The following SYT1 variants were observed in gnomAD, a reference collection of about 807,000 sequenced individuals.
The protein encoded by SYT1 is synaptotagmin-1.
A neutral mutation model predicts 44.8 loss-of-function variants in SYT1; 8 were observed. The ratio of observed to expected loss-of-function variants is 0.18; its 90% CI spans 0.10 to 0.32. The LOEUF (loss-of-function observed/expected upper bound fraction) is 0.32. Ranked by LOEUF, SYT1 falls within the 10% of genes least tolerant of loss-of-function variation. SYT1 has a pLI of 1.00. For missense variants in SYT1, 286 were observed against 509.3 expected, an observed-to-expected ratio of 0.56 and a Z score of 4.22; for synonymous variants, 154 against 188.8, an observed-to-expected ratio of 0.82 and a Z score of 1.51.
intron 4 of SYT1, among the ~76,000 whole-genome samples, chr12:79,257,427 A>G (rs190202072): frequency 2.0e-4 from 30 of 152,360 alleles, no homozygotes; most frequent in African/African-American, 6.7e-4. Context: ...AGAAGCCAGG[A>G]ATCTGTTAAC....
chr12:79,434,095 A>G (rs1869950864), intron 9 of SYT1, among the ~76,000 whole-genome samples: 1 of 152,214 alleles, frequency 6.6e-6, no homozygotes, highest in African/African-American at 2.4e-5. Flanking sequence ...ATTCATAATA[A>G]CAACAGTTTG....
chr12:79,189,135 A>G (rs1872966138), intron 3 of SYT1, among the ~76,000 whole-genome samples: 1 of 152,182 alleles, frequency 6.6e-6, no homozygotes, highest in African/African-American at 2.4e-5. Context: ...TTTTGGAAGC[A>G]ACCATCCCTT....
intron 2 of SYT1, among the ~76,000 whole-genome samples, chr12:79,021,174 T>C (rs1872165503): frequency 6.6e-6 from 1 of 151,948 alleles, no homozygotes; most frequent in African/African-American, 2.4e-5. Context: ...TCCTTAGATA[T>C]ACCATTTTGT....
intron 2 of SYT1, among the ~76,000 whole-genome samples, chr12:79,003,839 C>T (rs1304641430): frequency 6.6e-6 from 1 of 151,326 alleles, no homozygotes; most frequent in Non-Finnish European, 1.5e-5. Flanking sequence ...TTTTTTTTTC[C>T]ATCTGGCAGG....
chr12:79,024,434 T>G lies in SYT1; in HGVS notation c.-83-22863T>G, dbSNP rs924568337. 5.3e-5 allele frequency among the ~76,000 whole-genome samples: 8 copies of G among 151,966 alleles called. No homozygotes were observed. The East Asian group carries it at 1.6e-3, about 30-fold the overall frequency. ...TCTTATCCAAATCCAGAATTTTGCT[T>G]GACAGTATGTTAATATAATGTGTAA... On this transcript the variant is annotated intron_variant, in intron 2 of 10. Coordinates refer to ENST00000261205, the MANE Select transcript of SYT1 (RefSeq NM_005639.3).
chr12:79,318,051 G>A (rs1881181699), intron 8 of SYT1, among the ~76,000 whole-genome samples: 1 of 152,182 alleles, frequency 6.6e-6, no homozygotes, highest in African/African-American at 2.4e-5. Flanking sequence ...TACCAAAAAT[G>A]TATGGTTCCC....
rs190046613 is a variant in SYT1, at chr12:79,405,390, A to G, written c.929-38683A>G. Among the ~76,000 whole-genome samples the G allele has an allele frequency of 1.1e-4, 16 of 152,322 alleles. No individual in the cohort carries two copies. In the East Asian group the frequency reaches 2.9e-3, roughly 28 times the overall value. Reference sequence around the variant, plus strand: ...TGAATGCCTTCCTAATCAAAAGATTATAATTTAAATATTGATTAATTTATC... The same window carrying G: ...TGAATGCCTTCCTAATCAAAAGATTGTAATTTAAATATTGATTAATTTATC... On this transcript the variant is annotated intron_variant, in intron 9 of 10. Coordinates refer to ENST00000261205, the MANE Select transcript of SYT1 (RefSeq NM_005639.3).
chr12:79,291,802 T>C, intron 5 of SYT1: 1 of 687,608 alleles, frequency 1.5e-6, no homozygotes, highest in Non-Finnish European at 2.6e-6. Flanking sequence ...GCTTCCATTT[T>C]GCTTGCTGAT....
intron 3 of SYT1, among the ~76,000 whole-genome samples, chr12:79,064,915 A>C (rs947383254): frequency 1.3e-5 from 2 of 149,006 alleles, no homozygotes; most frequent in Non-Finnish European, 3.0e-5. Flanking sequence ...CTCTTTAGAC[A>C]AAAAAATAGA....
At position 79,367,494 on chromosome 12, in the gene SYT1, C is replaced by T. The variant is rs181974513; in HGVS notation, c.928+13875C>T. The stretch of plus-strand genomic sequence containing the variant: ...CATAATTGAGTGGTCAAGGTTTCAT[C>T]TTTCACCTGTCTCTACAAATTCTTA... On this transcript the variant is annotated intron_variant, in intron 9 of 10. Transcript: ENST00000261205. Among the ~76,000 whole-genome samples, 26 of 152,274 alleles carry T rather than the reference C, an allele frequency of 1.7e-4. No homozygotes were observed. In the East Asian group the frequency reaches 4.6e-3, roughly 27 times the overall value.
chr12:79,444,485 C>A (rs1466215365), intron 10 of SYT1, among the ~76,000 whole-genome samples: 1 of 152,054 alleles, frequency 6.6e-6, no homozygotes, highest in African/African-American at 2.4e-5. Context: ...TCAAAAAGTG[C>A]ATCTATAAAA....
intron 2 of SYT1, among the ~76,000 whole-genome samples, chr12:79,015,091 T>G (rs1172655368): frequency 1.3e-5 from 2 of 151,900 alleles, no homozygotes; most frequent in African/African-American, 4.8e-5. Context: ...GGGATAGCAT[T>G]AGGAGATATA....
chr12:79,249,253 C>T (rs568461662), intron 4 of SYT1, among the ~76,000 whole-genome samples: 10 of 151,614 alleles, frequency 6.6e-5, no homozygotes, highest in Non-Finnish European at 1.3e-4. Flanking sequence ...TACAGGCGCC[C>T]GCCACCGCGC....
At chr12:79,190,046 G>C (rs1396624337) in intron 3 of SYT1, among the ~76,000 whole-genome samples, 14 of 152,132 alleles carry the variant, frequency 9.2e-5, no homozygotes, top group Admixed American at 9.2e-4. Context: ...CCACTCTGGT[G>C]GAAGACCTCT....
At chr12:79,313,279 T>G (rs1880899356) in intron 8 of SYT1, among the ~76,000 whole-genome samples, 1 of 152,214 alleles carries the variant, frequency 6.6e-6, no homozygotes, top group African/African-American at 2.4e-5. Flanking sequence ...ACTTTCTAAT[T>G]CTATTGAAAC....
chr12:79,090,026 A>G (rs1243203888), intron 3 of SYT1, among the ~76,000 whole-genome samples: 1 of 152,084 alleles, frequency 6.6e-6, no homozygotes, highest in Non-Finnish European at 1.5e-5. Context: ...TGTGTGGGCT[A>G]ACACCCTAGT....
At chr12:79,081,638 C>A (rs1877039989) in intron 3 of SYT1, among the ~76,000 whole-genome samples, 1 of 152,150 alleles carries the variant, frequency 6.6e-6, no homozygotes. Context: ...CTTGGCCTCC[C>A]AAAGTGCTGG....
chr12:78,930,648 T>TTCCCAACC (rs1200599059), intron 1 of SYT1, among the ~76,000 whole-genome samples: 32 of 151,174 alleles, frequency 2.1e-4, no homozygotes, highest in South Asian at 1.5e-3. Flanking sequence ...TTTTCACCAC[T>TTCCCAACC]TCCCAACCTC....
intron 9 of SYT1, among the ~76,000 whole-genome samples, chr12:79,386,473 G>A (rs985881730): frequency 1.3e-5 from 2 of 151,844 alleles, no homozygotes; most frequent in South Asian, 4.1e-4. Context: ...TCTACATTAG[G>A]TATTTCTCTT....
Sources: allele counts gnomAD v4.1 joint callset (sites outside exome capture counted in the v4.1 genomes callset), GRCh38; gene constraint gnomAD v4.1.1; transcripts MANE v1.5; gene names NCBI Gene and HGNC (gene_info 2026-07-23, HGNC 2026-07-21).